Variants in ATXN1 observed in about 807,000 individuals in gnomAD.
The protein encoded by ATXN1 is ataxin 1.
A neutral mutation model predicts 56.4 loss-of-function variants in ATXN1; 8 were observed. That is an observed-to-expected ratio of 0.14 (90% CI 0.08 to 0.26). The LOEUF (loss-of-function observed/expected upper bound fraction) is 0.26. ATXN1 is among the 10% of genes least tolerant of loss of function. The pLI is 1.00. For synonymous variants in ATXN1, 514 were observed against 494.6 expected, an observed-to-expected ratio of 1.04 and a Z score of -0.52; for missense variants, 987 against 1,106.5, an observed-to-expected ratio of 0.89 and a Z score of 1.53.
intron 6 of ATXN1, among the ~76,000 whole-genome samples, chr6:16,417,905 G>A (rs549513647): frequency 7.2e-5 from 11 of 152,222 alleles, no homozygotes; most frequent in East Asian, 3.9e-4. Context: ...GTTCATCCTC[G>A]AAGATTTGGT....
At chr6:16,516,813 A>T (rs995644475) in intron 5 of ATXN1, among the ~76,000 whole-genome samples, 3 of 151,948 alleles carry the variant, frequency 2.0e-5, no homozygotes, top group African/African-American at 7.3e-5. Flanking sequence ...TGTCACTTTT[A>T]CTCACTCCTT....
chr6:16,544,290 C>G (rs1053402790), intron 4 of ATXN1, among the ~76,000 whole-genome samples: 1 of 152,204 alleles, frequency 6.6e-6, no homozygotes, highest in African/African-American at 2.4e-5. Flanking sequence ...GCCAGCTGTC[C>G]AGGCCGGCTG....
At chr6:16,749,419 C>T (rs557548994) in intron 2 of ATXN1, among the ~76,000 whole-genome samples, 8 of 152,308 alleles carry the variant, frequency 5.3e-5, no homozygotes, top group African/African-American at 1.2e-4. Context: ...ATACCGCATA[C>T]GCTGAATTTC....
chr6:16,440,634 C>A (rs1759495021), intron 6 of ATXN1, among the ~76,000 whole-genome samples: 1 of 23,830 alleles, frequency 4.2e-5, no homozygotes. Context: ...GAGTGAGACC[C>A]TGTCTTAAAA....
intron 4 of ATXN1, among the ~76,000 whole-genome samples, chr6:16,523,019 TCCATGCCCA>T (rs1292055791): frequency 1.3e-5 from 2 of 152,148 alleles, no homozygotes; most frequent in African/African-American, 4.8e-5. Flanking sequence ...TGTCATGTCC[TCCATGCCCA>T]CCATGATGCT....
chr6:16,577,473 G>A (rs923140964), intron 4 of ATXN1, among the ~76,000 whole-genome samples: 10 of 148,632 alleles, frequency 6.7e-5, no homozygotes, highest in African/African-American at 1.3e-4. Flanking sequence ...GCAGTGAGCC[G>A]AGATCGTGCC....
intron 3 of ATXN1, among the ~76,000 whole-genome samples, chr6:16,609,872 G>A (rs1485127758): frequency 3.3e-5 from 5 of 152,064 alleles, no homozygotes; most frequent in South Asian, 2.1e-4. Context: ...AAGAAGGGGA[G>A]GAGACCCAGA....
intron 2 of ATXN1, chr6:16,737,762 A>G (rs1038437566): frequency 6.6e-6 from 1 of 152,232 alleles, no homozygotes; most frequent in South Asian, 2.1e-4. Context: ...ATGGTTCAGC[A>G]ATAAGACAGA....
At position 16,326,837 on chromosome 6, in the gene ATXN1, T is replaced by C; in HGVS notation, c.1474A>G (p.Ile492Val). The C allele has an allele frequency of 6.2e-7, 1 of 1,607,772 alleles. No homozygotes were observed. Reference protein sequence around the residue: ...LVIPGTQPLLIPVGSTDMEAS... With the variant: ...LVIPGTQPLLVPVGSTDMEAS... ...TCCATGTCAGTGCTGCCGACCGGGA[T>C]GAGCAGGGGCTGTGTGCCGGGGATC... Residue 492 changes from isoleucine (I) to valine (V), a missense_variant, in exon 7 of 8, where the codon ATC becomes GTC. This residue lies in a region of ATXN1 where 723 missense variants were observed against 791.7 expected (regional missense o/e 0.91). Coordinates refer to ENST00000436367, the MANE Select transcript of ATXN1 (RefSeq NM_001128164.2). This position sits in a 1 kb window ranked among gnomAD's most constrained non-coding sequence, Gnocchi z 6.6.
Position 16,327,141 on chromosome 6 carries a change from C to G in ATXN1, c.1170G>C (p.Thr390=). 6.2e-7 allele frequency: 1 copy of G among 1,613,584 alleles called. No homozygotes were observed. Residue 390 remains threonine, a synonymous_variant, in exon 7 of 8, where the codon ACG becomes ACC. Coordinates refer to ENST00000436367, the MANE Select transcript of ATXN1 (RefSeq NM_001128164.2). ...GTTGCACCTCCAGGTCAGCTGCGGG[C>G]GTGTTGCTGTTGGGCAGGACCATCA... The part of the protein sequence containing the change: ...ASVMVLPNSN[T]PAADLEVQQA...
At chr6:16,683,956 T>TC (rs1318037265) in intron 2 of ATXN1, among the ~76,000 whole-genome samples, 1 of 152,222 alleles carries the variant, frequency 6.6e-6, no homozygotes. Context: ...ACGGTTCTTC[T>TC]CCTGGCCCCT....
At chr6:16,705,525 T>C (rs1482005435) in intron 2 of ATXN1, among the ~76,000 whole-genome samples, 1 of 152,160 alleles carries the variant, frequency 6.6e-6, no homozygotes, top group Non-Finnish European at 1.5e-5. Flanking sequence ...AGTGGTGTCA[T>C]TTGCCCATTC....
chr6:16,653,199 A>G (rs1254264342), intron 3 of ATXN1, among the ~76,000 whole-genome samples: 1 of 152,210 alleles, frequency 6.6e-6, no homozygotes, highest in Non-Finnish European at 1.5e-5. Context: ...GAGGTGCACC[A>G]GAAGCAGCAA....
intron 2 of ATXN1, among the ~76,000 whole-genome samples, chr6:16,662,274 G>A (rs1348940538): frequency 6.6e-6 from 1 of 152,106 alleles, no homozygotes; most frequent in Non-Finnish European, 1.5e-5. Flanking sequence ...TTCCACTGTA[G>A]AATATGCTAA....
At chr6:16,337,516 G>T (rs1330065572) in intron 6 of ATXN1, among the ~76,000 whole-genome samples, 1 of 152,256 alleles carries the variant, frequency 6.6e-6, no homozygotes, top group African/African-American at 2.4e-5. Context: ...AAAGGCTCAA[G>T]ATGGAAAAAT....
intron 5 of ATXN1, among the ~76,000 whole-genome samples, chr6:16,512,009 G>A (rs1045420228): frequency 2.0e-5 from 3 of 152,092 alleles, no homozygotes; most frequent in African/African-American, 4.8e-5. Context: ...CTCCTCAAAC[G>A]GTCCCTCTAA....
chr6:16,504,281 T>A (rs1453929384), intron 5 of ATXN1, among the ~76,000 whole-genome samples: 2 of 152,220 alleles, frequency 1.3e-5, no homozygotes, highest in Non-Finnish European at 2.9e-5. Context: ...CTCCTGGGAC[T>A]GGTTTGGGCT....
intron 6 of ATXN1, among the ~76,000 whole-genome samples, chr6:16,462,732 A>C (rs1363330873): frequency 6.6e-6 from 1 of 152,166 alleles, no homozygotes; most frequent in Non-Finnish European, 1.5e-5. Flanking sequence ...TTATGCATCC[A>C]ACGCAACCTG....
intron 6 of ATXN1, among the ~76,000 whole-genome samples, chr6:16,445,744 A>G (rs62387749): frequency 0.011 from 1,480 of 136,062 alleles, 15 homozygotes; most frequent in Non-Finnish European, 0.017. Flanking sequence ...TCATTGTTCA[A>G]TTCCCATCTA....
Sources: gnomAD v4.1 joint callset for allele counts (sites outside exome capture counted in the v4.1 genomes callset) on GRCh38, gnomAD v4.1.1 for gene constraint, gnomAD v4.1.1 regional missense constraint, Gnocchi (gnomAD v3.1) non-coding constraint, MANE v1.5 for transcripts, NCBI Gene and HGNC (gene_info 2026-07-23, HGNC 2026-07-21) for gene names.